Variants in NAA30 observed in about 807,000 individuals in gnomAD.
The protein encoded by NAA30 is N-alpha-acetyltransferase 30, NatC catalytic subunit.
NAA30 carries 5 observed loss-of-function variants against 31.4 expected under a neutral mutation model. That is an observed-to-expected ratio of 0.16 (90% CI 0.08 to 0.33). The LOEUF is 0.33. NAA30 is among the 10% of genes least tolerant of loss of function. The probability of loss-of-function intolerance (pLI) is 1.00; values close to 1 mark genes in which losing one functional copy is unlikely to be tolerated. For synonymous variants in NAA30, 222 were observed against 207.1 expected (o/e 1.07, Z -0.62); for missense variants, 428 against 490.8 (o/e 0.87, Z 1.21).
At chr14:57,407,239 A>G (rs1459855196) in intron 4 of NAA30, among the ~76,000 whole-genome samples, 3 of 152,060 alleles carry the variant, frequency 2.0e-5, no homozygotes, top group East Asian at 1.9e-4. Flanking sequence ...ACTTAAACCA[A>G]TTTGTTTGCT....
rs78692860 is a variant in NAA30 at position 57,393,218 on chromosome 14, A to G, written c.771+1490A>G. Among the ~76,000 whole-genome samples the G allele has an allele frequency of 1.8e-4, 27 of 152,328 alleles. No homozygotes were observed. In the East Asian group the frequency reaches 5.2e-3, roughly 29 times the overall value. On this transcript the variant is annotated intron_variant, in intron 2 of 4. Coordinates refer to ENST00000556492, the MANE Select transcript of NAA30 (RefSeq NM_001011713.3). ...TATTTAGTCAACTTTGAGTCCTGAT[A>G]GTTACCTAAGCCTCTCTCAACTTGT... is the stretch of plus-strand genomic sequence containing the variant.
At chr14:57,397,089 G>A (rs920700126) in intron 3 of NAA30, among the ~76,000 whole-genome samples, 17 of 152,018 alleles carry the variant, frequency 1.1e-4, no homozygotes, top group South Asian at 2.1e-4. Context: ...ACAGTTTTTC[G>A]TTTTAACAAG....
intron 2 of NAA30, among the ~76,000 whole-genome samples, chr14:57,394,298 C>T (rs746469413): frequency 3.9e-5 from 6 of 152,038 alleles, no homozygotes; most frequent in Non-Finnish European, 7.4e-5. Context: ...TTTTTGGCTT[C>T]CTCCAGTTTT....
intron 3 of NAA30, among the ~76,000 whole-genome samples, chr14:57,397,184 G>A (rs111666786): frequency 0.017 from 2,651 of 152,086 alleles, 81 homozygotes; most frequent in African/African-American, 0.061. Context: ...AAGAAATACT[G>A]CAATTTATAA....
chr14:57,398,643 AT>A (rs60384591), intron 3 of NAA30, among the ~76,000 whole-genome samples: 3 of 148,876 alleles, frequency 2.0e-5, no homozygotes, highest in Admixed American at 6.7e-5. Flanking sequence ...TTTTATTATT[AT>A]TTTTTTTTGA....
chr14:57,415,400 C>G lies in NAA30; in HGVS notation c.*5884C>G, dbSNP rs1186982360. On this transcript the variant is annotated 3_prime_UTR_variant, in exon 5 of 5. Coordinates refer to ENST00000556492, the MANE Select transcript of NAA30 (RefSeq NM_001011713.3). The stretch of plus-strand genomic sequence containing the variant: ...CAAAGAAACTCACCCTTTTTAAAAG[C>G]CAGCAGGTTGCACAAACCAAAAACA... The G allele has an allele frequency of 6.6e-6, 1 of 152,094 alleles. No homozygotes were observed. Among genetic ancestry groups the G allele is most frequent in the Non-Finnish European group, 1.5e-5 (1 of 68,010 alleles). The allele number at this position is 152,094 out of a possible 1,614,324, so 9.4% of individuals were successfully genotyped here.
chr14:57,415,376 A>T lies in NAA30; in HGVS notation c.*5860A>T, dbSNP rs1405028095. On this transcript the variant is annotated 3_prime_UTR_variant, in exon 5 of 5. Transcript: ENST00000556492. Reference sequence around the variant, plus strand: ...GTCTCCTATGTTTTCCTTTCATGCCAAAGAAACTCACCCTTTTTAAAAGCC... The same window carrying T: ...GTCTCCTATGTTTTCCTTTCATGCCTAAGAAACTCACCCTTTTTAAAAGCC... The T allele has an allele frequency of 1.3e-5, 2 of 152,224 alleles. No homozygotes were observed. Among genetic ancestry groups the T allele is most frequent in the Non-Finnish European group, 2.9e-5 (2 of 68,042 alleles). 9.4% of individuals were successfully genotyped at this position (152,224 alleles called of 1,614,324 possible). A position where few individuals can be genotyped will look rare whatever the true frequency, so the allele number is the denominator to read the frequency against.
At chr14:57,402,935 C>T (rs1260184391) in intron 4 of NAA30, among the ~76,000 whole-genome samples, 1 of 152,220 alleles carries the variant, frequency 6.6e-6, no homozygotes, top group Non-Finnish European at 1.5e-5. Flanking sequence ...AATCCCAGCA[C>T]TTTGGGAGTC....
Position 57,414,414 on chromosome 14 carries a change from T to C in NAA30, c.*4898T>C, listed in dbSNP as rs1277360105. ...TCAGATTTTATTGTTGGAAGTTCCT[T>C]GGGTTGCAGAGATGCAGATTCAAGT... On this transcript the variant is annotated 3_prime_UTR_variant, in exon 5 of 5. Coordinates refer to ENST00000556492, the MANE Select transcript of NAA30 (RefSeq NM_001011713.3). 6.6e-6 allele frequency: 1 copy of C among 152,206 alleles called. No individual in the cohort carries two copies. Among genetic ancestry groups the C allele is most frequent in the Non-Finnish European group, 1.5e-5 (1 of 68,032 alleles). 9.4% of individuals were successfully genotyped at this position (152,206 alleles called of 1,614,324 possible).
chr14:57,396,711 G>C, intron 2 of NAA30, 41 bp from the exon 3 acceptor site: 1 of 1,611,196 alleles, frequency 6.2e-7, no homozygotes, highest in Non-Finnish European at 8.5e-7. Context: ...TGCAGTACCT[G>C]ATGGCAATGT....
At position 57,411,176 on chromosome 14, in the gene NAA30, C is replaced by T. The variant is rs1337026249; in HGVS notation, c.*1660C>T. 1 of 151,074 alleles carries T rather than the reference C, an allele frequency of 6.6e-6. No homozygotes were observed. The highest frequency in any genetic ancestry group is 1.5e-5 in the Non-Finnish European group (1 of 67,756). The allele number at this position is 151,074 out of a possible 1,614,324, so 9.4% of individuals were successfully genotyped here. ...CACAATTTATATTTGAAAATAAAAA[C>T]TTTCTGCTGGTGGGATTATTTATAG... On this transcript the variant is annotated 3_prime_UTR_variant, in exon 5 of 5. Coordinates refer to ENST00000556492, the MANE Select transcript of NAA30 (RefSeq NM_001011713.3).
chr14:57,413,189 T>A lies in NAA30; in HGVS notation c.*3673T>A, dbSNP rs1356991626. The A allele has an allele frequency of 1.3e-5, 2 of 148,778 alleles. No homozygotes were observed. Among genetic ancestry groups the A allele is most frequent in the Non-Finnish European group, 3.0e-5 (2 of 67,100 alleles). 9.2% of individuals were successfully genotyped at this position (148,778 alleles called of 1,614,324 possible). On this transcript the variant is annotated 3_prime_UTR_variant, in exon 5 of 5. Coordinates refer to ENST00000556492, the MANE Select transcript of NAA30 (RefSeq NM_001011713.3). ...ATATCCAAAGAGCTTTTTGCCCCTG[T>A]CTTGTGAGGAGCTTTAAATAGCTGT...
rs1056897575 is a variant in NAA30 at position 57,414,876 on chromosome 14, A to G, written c.*5360A>G. 6.6e-6 allele frequency: 1 copy of G among 152,210 alleles called. No individual in the cohort carries two copies. Among genetic ancestry groups the G allele is most frequent in the African/African-American group, 2.4e-5 (1 of 41,450 alleles). The allele number at this position is 152,210 out of a possible 1,614,324, so 9.4% of individuals were successfully genotyped here. ...GGGGATTAAGTCAGTGTTTAATCTC[A>G]ATATGAAACAGACCTAGAAATAACA... On this transcript the variant is annotated 3_prime_UTR_variant, in exon 5 of 5. Coordinates refer to ENST00000556492, the MANE Select transcript of NAA30 (RefSeq NM_001011713.3).
chr14:57,414,650 T>C lies in NAA30; in HGVS notation c.*5134T>C, dbSNP rs2139770421. ...TGGGGATGAGGCCAAAGGCCAATGTTACTTCTAGAAGAACCAGATTAATTT... is the reference window on the plus strand; with the variant it reads ...TGGGGATGAGGCCAAAGGCCAATGTCACTTCTAGAAGAACCAGATTAATTT... On this transcript the variant is annotated 3_prime_UTR_variant, in exon 5 of 5. Coordinates refer to ENST00000556492, the MANE Select transcript of NAA30 (RefSeq NM_001011713.3). The C allele has an allele frequency of 6.6e-6, 1 of 152,366 alleles. No homozygotes were observed. 9.4% of individuals were successfully genotyped at this position (152,366 alleles called of 1,614,324 possible).
Position 57,391,821 on chromosome 14 carries a change from T to C in NAA30, c.771+93T>C. On this transcript the variant is annotated intron_variant, in intron 2 of 4. Transcript: ENST00000556492. The surrounding 1 kb of genome is among the most constrained non-coding windows in gnomAD (Gnocchi z 4.1). ...GGCCCAGAATGTGGCAGTGGATATC[T>C]CCTGCTGCGTATCATAGTACGTTAT... 12 of 888,016 alleles carry C rather than the reference T, an allele frequency of 1.4e-5. No homozygotes were observed. Among genetic ancestry groups the C allele is most frequent in the East Asian group, 2.4e-5 (1 of 41,222 alleles). The allele number at this position is 888,016 out of a possible 1,614,324, so 55.0% of individuals were successfully genotyped here. A position where few individuals can be genotyped will look rare whatever the true frequency, so the allele number is the denominator to read the frequency against.
At position 57,412,577 on chromosome 14, in the gene NAA30, G is replaced by A. The variant is rs2066528648; in HGVS notation, c.*3061G>A. 2 of 152,274 alleles carry A rather than the reference G, an allele frequency of 1.3e-5. No homozygotes were observed. The highest frequency in any genetic ancestry group is 2.4e-5 in the African/African-American group (1 of 41,582). The allele number at this position is 152,274 out of a possible 1,614,324, so 9.4% of individuals were successfully genotyped here. A position where few individuals can be genotyped will look rare whatever the true frequency, so the allele number is the denominator to read the frequency against. ...TATATTGACGTCAGATATGAGTTGA[G>A]TATCTATAAAATATCACGTGTATCT... is the stretch of plus-strand genomic sequence containing the variant. On this transcript the variant is annotated 3_prime_UTR_variant, in exon 5 of 5. Coordinates refer to ENST00000556492, the MANE Select transcript of NAA30 (RefSeq NM_001011713.3).
intron 4 of NAA30, among the ~76,000 whole-genome samples, chr14:57,407,666 T>C (rs568635785): frequency 1.2e-3 from 179 of 152,318 alleles, no homozygotes; most frequent in African/African-American, 4.2e-3. Flanking sequence ...GGCCAATATA[T>C]TGATGGACTT....
rs538094222 is a variant in NAA30 at position 57,410,733 on chromosome 14, G to T, written c.*1217G>T. The T allele has an allele frequency of 1.3e-5, 2 of 152,364 alleles. No homozygotes were observed. The highest frequency in any genetic ancestry group is 2.1e-4 in the South Asian group (1 of 4,814). 9.4% of individuals were successfully genotyped at this position (152,364 alleles called of 1,614,324 possible). ...ATCTTTTTTGGAATGAGTTCTGTGG[G>T]TTTTCTTAACAGCCACCATGTTTAT... On this transcript the variant is annotated 3_prime_UTR_variant, in exon 5 of 5. Coordinates refer to ENST00000556492, the MANE Select transcript of NAA30 (RefSeq NM_001011713.3).
rs1420501066 is a variant in NAA30 at position 57,412,875 on chromosome 14, C to CG, written c.*3363dup. On this transcript the variant is annotated 3_prime_UTR_variant, in exon 5 of 5. Transcript: ENST00000556492. ...CTTCCTGCCTTTCATCTAAGAGTTA[C>CG]GGGGAAGAAGTATTACATAATTGTC... is the stretch of plus-strand genomic sequence containing the variant. The CG allele has an allele frequency of 6.6e-6, 1 of 152,088 alleles. No homozygotes were observed. The allele number at this position is 152,088 out of a possible 1,614,324, so 9.4% of individuals were successfully genotyped here.
Sources: gnomAD v4.1 joint callset for allele counts (sites outside exome capture counted in the v4.1 genomes callset) on GRCh38, gnomAD v4.1.1 for gene constraint, Gnocchi (gnomAD v3.1) non-coding constraint, MANE v1.5 for transcripts, NCBI Gene and HGNC (gene_info 2026-07-23, HGNC 2026-07-21) for gene names.